Variants in CORO2B observed in about 807,000 individuals in gnomAD.
CORO2B encodes the protein coronin-2B.
In CORO2B, 26 loss-of-function variants were observed where a neutral mutation model predicts 58.8. The observed-to-expected ratio is 0.44, with a 90% confidence interval of 0.32 to 0.61. The LOEUF (loss-of-function observed/expected upper bound fraction) is 0.61. Ranked by LOEUF, CORO2B falls within the 20% of genes least tolerant of loss-of-function variation. The pLI, the probability that CORO2B is intolerant of heterozygous loss-of-function variation, is 0.04. For missense variants in CORO2B, 460 were observed against 645.1 expected, an observed-to-expected ratio of 0.71 and a Z score of 3.11; for synonymous variants, 242 against 253.8, an observed-to-expected ratio of 0.95 and a Z score of 0.44.
At chr15:68,613,137 C>T (rs925916767) in intron 1 of CORO2B, among the ~76,000 whole-genome samples, 3 of 152,224 alleles carry the variant, frequency 2.0e-5, no homozygotes, top group Admixed American at 1.3e-4. Flanking sequence ...TTTAGTCTTA[C>T]ATCCAGCTTA....
chr15:68,621,330 C>A (rs542099087), intron 1 of CORO2B, among the ~76,000 whole-genome samples: 4 of 152,324 alleles, frequency 2.6e-5, no homozygotes, highest in African/African-American at 9.6e-5. Flanking sequence ...CAACGCAGTG[C>A]GTGCCAGCAT....
intron 1 of CORO2B, among the ~76,000 whole-genome samples, chr15:68,633,541 A>ACT (rs1245299098): frequency 7.2e-5 from 11 of 151,820 alleles, no homozygotes; most frequent in African/African-American, 2.7e-4. Context: ...ACACACACAC[A>ACT]CACACTCACT....
At chr15:68,714,178 A>AC in intron 6 of CORO2B, 137 bp downstream of exon 6, 2 of 632,312 alleles carry the variant, frequency 3.2e-6, no homozygotes, top group South Asian at 3.9e-5. Flanking sequence ...TCAGACAGAG[A>AC]CCCCCAGAGG....
At chr15:68,612,676 T>C (rs914223127) in intron 1 of CORO2B, among the ~76,000 whole-genome samples, 1 of 152,230 alleles carries the variant, frequency 6.6e-6, no homozygotes, top group Non-Finnish European at 1.5e-5. Context: ...CTGCTGATGA[T>C]AACTTGCTCT....
rs61747072 is a variant in CORO2B at position 68,645,330 on chromosome 15, C to T, written c.186C>T (p.Gly62=). Residue 62 remains glycine (G), a synonymous_variant, in exon 2 of 12, where the codon GGC becomes GGT. Transcript: ENST00000261861. This position sits in a 1 kb window ranked among gnomAD's most constrained non-coding sequence, Gnocchi z 4.5. ...CCATCGTCACCGAGAGCGCAGGGGG[C>T]GGCTCCTTCCTCGTCATCCCCCTGG... is the stretch of plus-strand genomic sequence containing the variant. ...FLAIVTESAG[G]GSFLVIPLEQ... 2,542 of 1,612,516 alleles carry T rather than the reference C, an allele frequency of 1.6e-3. 2 individuals are homozygous for T. The highest frequency in any genetic ancestry group is 1.9e-3 in the Non-Finnish European group (2,257 of 1,180,000).
At chr15:68,529,078 T>A in the CORO2B span, among the ~76,000 whole-genome samples, 1 of 152,194 alleles carries the variant, frequency 6.6e-6, no homozygotes, top group Non-Finnish European at 1.5e-5. Flanking sequence ...GACACTCCAA[T>A]GTTTCCTGGA....
chr15:68,578,230 A>G (rs992718490), upstream of CORO2B, among the ~76,000 whole-genome samples: 1 of 152,154 alleles, frequency 6.6e-6, no homozygotes, highest in South Asian at 2.1e-4. The surrounding 1 kb of genome is among the most constrained non-coding windows in gnomAD (Gnocchi z 4.2). Context: ...AGCGGCACTC[A>G]GTGGTAGTGT....
At chr15:68,622,271 A>C (rs1231837596) in intron 1 of CORO2B, among the ~76,000 whole-genome samples, 1 of 152,142 alleles carries the variant, frequency 6.6e-6, no homozygotes, top group Non-Finnish European at 1.5e-5. Flanking sequence ...GGGCATGGGC[A>C]TGTTTTGAGA....
chr15:68,725,856 TC>T lies in CORO2B; in HGVS notation c.1326del (p.Phe443SerfsTer10). ...CCTCCACCCCAGCTCCTTCGAATGT[TC>T]TTCCGGCAGCAGGATGAGATTCGAC... ...PRTENELLRM[F>X]FRQQDEIRRL... is the part of the protein sequence containing the mutation. On this transcript the variant is annotated frameshift_variant, in exon 12 of 12. Coordinates refer to ENST00000261861, the MANE Select transcript of CORO2B (RefSeq NM_006091.5). LOFTEE classifies it high-confidence loss of function. 6.2e-7 allele frequency: 1 copy of T among 1,613,866 alleles called. No homozygotes were observed. Among genetic ancestry groups the T allele is most frequent in the Non-Finnish European group, 8.5e-7 (1 of 1,180,010 alleles).
chr15:68,723,915 A>C (rs1044471601), intron 11 of CORO2B, among the ~76,000 whole-genome samples: 3 of 152,134 alleles, frequency 2.0e-5, no homozygotes, highest in Non-Finnish European at 2.9e-5. Context: ...TCCCTAAAAA[A>C]TAAAAGTAGG....
chr15:68,648,660 AAGAGAGAGAAAG>A (rs1367102541), intron 2 of CORO2B, among the ~76,000 whole-genome samples: 2 of 152,348 alleles, frequency 1.3e-5, no homozygotes, highest in Non-Finnish European at 2.9e-5. Context: ...AAAAAAAAGA[AAGAGAGAGAAAG>A]AGAGAGAGAA....
At chr15:68,652,047 TTGGGGAAGC>T (rs1901660450) in intron 2 of CORO2B, among the ~76,000 whole-genome samples, 1 of 152,168 alleles carries the variant, frequency 6.6e-6, no homozygotes, top group Non-Finnish European at 1.5e-5. Context: ...CACCTCACAC[TTGGGGAAGC>T]TGAGACGGCA....
intron 2 of CORO2B, among the ~76,000 whole-genome samples, chr15:68,655,918 G>A (rs1223556238): frequency 6.6e-6 from 1 of 152,258 alleles, no homozygotes; most frequent in East Asian, 1.9e-4. Context: ...GTGCAGGAGG[G>A]GTGTGGGGAG....
chr15:68,580,016 A>C (rs1899387245), intron 1 of CORO2B, among the ~76,000 whole-genome samples: 1 of 152,168 alleles, frequency 6.6e-6, no homozygotes, highest in South Asian at 2.1e-4. Flanking sequence ...GGGGCAGTGG[A>C]AAGTGCCAGG....
intron 1 of CORO2B, among the ~76,000 whole-genome samples, chr15:68,613,383 C>T (rs538517495): frequency 1.3e-5 from 2 of 152,308 alleles, no homozygotes; most frequent in South Asian, 2.1e-4. Flanking sequence ...ATTAAAATGG[C>T]TTATCAAATT....
chr15:68,697,939 G>C (rs892224204), intron 3 of CORO2B, among the ~76,000 whole-genome samples: 1 of 152,208 alleles, frequency 6.6e-6, no homozygotes, highest in Admixed American at 6.5e-5. Context: ...ACCACAGCTG[G>C]CTCCGTCCCT....
chr15:68,715,681 C>G (rs772808749), intron 8 of CORO2B, among the ~76,000 whole-genome samples: 1 of 152,128 alleles, frequency 6.6e-6, no homozygotes, highest in African/African-American at 2.4e-5. Flanking sequence ...TCTAGGAAGC[C>G]GTGACTCCCA....
At chr15:68,704,789 G>A (rs1892742915) in intron 3 of CORO2B, among the ~76,000 whole-genome samples, 1 of 152,152 alleles carries the variant, frequency 6.6e-6, no homozygotes, top group South Asian at 2.1e-4. Flanking sequence ...CCAGGGACCT[G>A]TAAAGGGGAC....
chr15:68,520,028 C>A, the CORO2B span, among the ~76,000 whole-genome samples: 1 of 152,078 alleles, frequency 6.6e-6, no homozygotes, highest in Non-Finnish European at 1.5e-5. Flanking sequence ...TTTTTTAAAT[C>A]TATGTATTAT....
Sources: allele counts gnomAD v4.1 joint callset (sites outside exome capture counted in the v4.1 genomes callset), GRCh38; gene constraint gnomAD v4.1.1; non-coding constraint Gnocchi (gnomAD v3.1); transcripts MANE v1.5; gene names NCBI Gene and HGNC (gene_info 2026-07-23, HGNC 2026-07-21).